UCHL3: variants seen among roughly 807,000 people sequenced by gnomAD.
The protein encoded by UCHL3 is ubiquitin C-terminal hydrolase L3, also known as ubiquitin carboxyl-terminal hydrolase isozyme L3.
Under a neutral mutation model 35.8 loss-of-function variants are expected in UCHL3, and 22 were observed. The ratio of observed to expected loss-of-function variants is 0.61; its 90% CI spans 0.44 to 0.88. The LOEUF (loss-of-function observed/expected upper bound fraction) is 0.88, where lower values mean the gene tolerates loss of function less well. UCHL3 is among the 40% of genes least tolerant of loss of function. The pLI, the probability that UCHL3 is intolerant of heterozygous loss-of-function variation, is 0.00. For synonymous variants in UCHL3, 90 were observed against 92.8 expected, an observed-to-expected ratio of 0.97 and a Z score of 0.17; for missense variants, 229 against 276.9, an observed-to-expected ratio of 0.83 and a Z score of 1.23.
chr13:75,566,780 C>G lies in UCHL3; in HGVS notation c.269C>G (p.Thr90Arg). 6.2e-7 allele frequency: 1 copy of G among 1,611,210 alleles called. No homozygotes were observed. Among genetic ancestry groups the G allele is most frequent in the Non-Finnish European group, 8.5e-7 (1 of 1,179,050 alleles). ...TCATCAGTATATTTCATGAAGCAAA[C>G]AATCAGCAATGCCTGTGGAACAATT... is the stretch of plus-strand genomic sequence containing the variant. The part of the protein sequence containing the change: ...VTSSVYFMKQ[T>R]ISNACGTIGL... The change falls in exon 4 of 9, where the codon ACA becomes AGA. Residue 90 changes from threonine (T) to arginine (R), a missense_variant. Coordinates refer to ENST00000377595, the MANE Select transcript of UCHL3 (RefSeq NM_006002.5).
chr13:75,599,459 C>G (rs967127842), intron 7 of UCHL3, among the ~76,000 whole-genome samples: 1 of 152,108 alleles, frequency 6.6e-6, no homozygotes, highest in Non-Finnish European at 1.5e-5. Flanking sequence ...GGCAATCTTG[C>G]TTTGAGCAAG....
At chr13:75,585,460 A>T (rs994412197) in intron 6 of UCHL3, among the ~76,000 whole-genome samples, 4 of 152,128 alleles carry the variant, frequency 2.6e-5, no homozygotes, top group African/African-American at 9.6e-5. Flanking sequence ...AAACTTTGAG[A>T]CAGACAAAAA....
intron 6 of UCHL3, among the ~76,000 whole-genome samples, chr13:75,578,092 CT>C (rs995562026): frequency 6.6e-6 from 1 of 151,920 alleles, no homozygotes; most frequent in Non-Finnish European, 1.5e-5. Context: ...TGCTACCATT[CT>C]TTTTTTAGTA....
rs1204765129 is a variant in UCHL3, at chr13:75,567,216, C to G, written c.341-11C>G. The G allele has an allele frequency of 5.6e-6, 9 of 1,612,556 alleles. No homozygotes were observed. The highest frequency in any genetic ancestry group is 7.6e-6 in the Non-Finnish European group (9 of 1,178,936). ...AAGCCTTTTTAATTTTATCTTCTTT[C>G]ATATTCTCAGAATCTGGATCAACCT... On this transcript the variant is annotated splice_polypyrimidine_tract_variant and intron_variant, in intron 4 of 8. Transcript: ENST00000377595.
At chr13:75,578,218 G>A (rs2032081519) in intron 6 of UCHL3, among the ~76,000 whole-genome samples, 1 of 147,738 alleles carries the variant, frequency 6.8e-6, no homozygotes, top group Admixed American at 6.8e-5. Context: ...CTTTGCTACT[G>A]TATACTATCA....
chr13:75,589,182 T>A (rs2032407831), intron 6 of UCHL3, among the ~76,000 whole-genome samples: 1 of 152,176 alleles, frequency 6.6e-6, no homozygotes, highest in Admixed American at 6.6e-5. Context: ...TGTTACCTAC[T>A]GGCAATGTGA....
At chr13:75,567,159 G>C in intron 4 of UCHL3, 68 bp from the exon 5 acceptor site, 1 of 1,385,428 alleles carries the variant, frequency 7.2e-7, no homozygotes, top group Non-Finnish European at 1.0e-6. Context: ...CATACTTCTA[G>C]TATTTTCATA....
intron 6 of UCHL3, among the ~76,000 whole-genome samples, chr13:75,574,941 G>A (rs1376104079): frequency 6.6e-6 from 1 of 152,216 alleles, no homozygotes; most frequent in Non-Finnish European, 1.5e-5. Context: ...TCTACAGAGG[G>A]AGAATAGTGG....
intron 7 of UCHL3, among the ~76,000 whole-genome samples, chr13:75,599,524 C>T (rs543151586): frequency 7.9e-5 from 12 of 152,246 alleles, no homozygotes; most frequent in Admixed American, 3.3e-4. Context: ...TTCTGTGTCA[C>T]GCTTTGGTAA....
chr13:75,571,699 G>A (rs1462109215), intron 6 of UCHL3, among the ~76,000 whole-genome samples: 3 of 152,122 alleles, frequency 2.0e-5, no homozygotes, highest in East Asian at 1.9e-4. Flanking sequence ...TTCCTAGTGT[G>A]TAGAGCAGTG....
At chr13:75,580,768 C>T (rs964441256) in intron 6 of UCHL3, among the ~76,000 whole-genome samples, 4 of 152,168 alleles carry the variant, frequency 2.6e-5, no homozygotes, top group African/African-American at 7.2e-5. Flanking sequence ...CCCCATTTTG[C>T]AGATGGGAAA....
intron 6 of UCHL3, 105 bp downstream of exon 6, chr13:75,569,612 A>C: frequency 9.1e-7 from 1 of 1,092,924 alleles, no homozygotes; most frequent in Non-Finnish European, 1.3e-6. Context: ...AGTTTTAGAA[A>C]GTTACTTGGC....
At chr13:75,587,582 T>C (rs2032360923) in intron 6 of UCHL3, among the ~76,000 whole-genome samples, 1 of 152,116 alleles carries the variant, frequency 6.6e-6, no homozygotes, top group African/African-American at 2.4e-5. Flanking sequence ...AAAAGTTATG[T>C]AGAAAAAGGA....
chr13:75,587,946 C>T (rs983238445), intron 6 of UCHL3, among the ~76,000 whole-genome samples: 2 of 152,120 alleles, frequency 1.3e-5, no homozygotes, highest in Non-Finnish European at 2.9e-5. Context: ...AACCATCCAC[C>T]CTAGCTCTGT....
At chr13:75,554,492 T>G (rs1043066115) in intron 2 of UCHL3, among the ~76,000 whole-genome samples, 1 of 152,246 alleles carries the variant, frequency 6.6e-6, no homozygotes, top group African/African-American at 2.4e-5. Context: ...GGACTCTTCT[T>G]GCAAAGGCTA....
intron 6 of UCHL3, among the ~76,000 whole-genome samples, chr13:75,571,036 A>G (rs1163328828): frequency 6.6e-6 from 1 of 152,168 alleles, no homozygotes; most frequent in Non-Finnish European, 1.5e-5. Flanking sequence ...TTAACACCAG[A>G]TTGGAAATTA....
At chr13:75,552,803 AATTATT>A (rs774355792) in intron 2 of UCHL3, among the ~76,000 whole-genome samples, 3 of 152,194 alleles carry the variant, frequency 2.0e-5, no homozygotes, top group Admixed American at 6.5e-5. Flanking sequence ...TGATATAGGC[AATTATT>A]ATTATTTATG....
At chr13:75,588,744 A>G (rs7324560) in intron 6 of UCHL3, among the ~76,000 whole-genome samples, 16,831 of 152,190 alleles carry the variant, frequency 0.11, 1,178 homozygotes, top group Non-Finnish European at 0.16. Flanking sequence ...AGAGAAATCT[A>G]TTATGGTTGT....
At chr13:75,579,686 C>T (rs1168450503) in intron 6 of UCHL3, among the ~76,000 whole-genome samples, 1 of 152,122 alleles carries the variant, frequency 6.6e-6, no homozygotes, top group Non-Finnish European at 1.5e-5. Context: ...TACCAGTTCA[C>T]ACTTCCAGAT....
Sources: allele counts gnomAD v4.1 joint callset (sites outside exome capture counted in the v4.1 genomes callset), GRCh38; gene constraint gnomAD v4.1.1; transcripts MANE v1.5; gene names NCBI Gene and HGNC (gene_info 2026-07-23, HGNC 2026-07-21).